AGBL4: variants seen among roughly 807,000 people sequenced by gnomAD.
AGBL4 encodes the protein AGBL carboxypeptidase 4, also known as cytosolic carboxypeptidase 6.
In AGBL4, 58 loss-of-function variants were observed where a neutral mutation model predicts 66.4. The ratio of observed to expected loss-of-function variants is 0.87; its 90% CI spans 0.71 to 1.09. The LOEUF (loss-of-function observed/expected upper bound fraction) is 1.09. Among genes scored for constraint, AGBL4 ranks in the 50% least tolerant of loss-of-function variants. AGBL4 has a pLI of 0.00. For synonymous variants in AGBL4, 234 were observed against 222.9 expected (o/e 1.05, Z -0.44); for missense variants, 579 against 631.0 (o/e 0.92, Z 0.88).
chr1:49,662,102 T>G (rs559860395), intron 3 of AGBL4, among the ~76,000 whole-genome samples: 2 of 151,426 alleles, frequency 1.3e-5, no homozygotes, highest in Non-Finnish European at 2.9e-5. Flanking sequence ...TAAAAATCTA[T>G]AACATGGGTG....
At chr1:48,800,045 A>G (rs578139882) in intron 6 of AGBL4, among the ~76,000 whole-genome samples, 15 of 152,120 alleles carry the variant, frequency 9.9e-5, no homozygotes, top group Admixed American at 4.6e-4. Flanking sequence ...CTCTTTTTGT[A>G]TCTTTTGGAA....
intron 1 of AGBL4, among the ~76,000 whole-genome samples, chr1:49,886,596 T>G (rs1450450682): frequency 6.6e-6 from 1 of 152,136 alleles, no homozygotes; most frequent in Non-Finnish European, 1.5e-5. Context: ...TGATGATGAC[T>G]TGAACACAGT....
At chr1:49,942,231 A>G (rs1654828713) in intron 1 of AGBL4, among the ~76,000 whole-genome samples, 1 of 152,278 alleles carries the variant, frequency 6.6e-6, no homozygotes, top group South Asian at 2.1e-4. Context: ...ATAGACCGGG[A>G]AAATTAATAT....
chr1:49,013,473 A>G (rs1401827178), intron 5 of AGBL4, among the ~76,000 whole-genome samples: 2 of 152,196 alleles, frequency 1.3e-5, no homozygotes, highest in African/African-American at 4.8e-5. Context: ...CTCCTTCAGG[A>G]GCCCTTTATT....
intron 6 of AGBL4, among the ~76,000 whole-genome samples, chr1:48,665,160 T>C (rs940032805): frequency 2.6e-5 from 4 of 152,180 alleles, no homozygotes; most frequent in Non-Finnish European, 5.9e-5. Context: ...AGAAATATCA[T>C]GGAACCAAAA....
At position 48,736,574 on chromosome 1, in the gene AGBL4, T is replaced by A; in HGVS notation, c.635-73333A>T. ...GAGATTCATGTCATAAATATGAAAT[T>A]AACTCTCTTTAAGGGTAATCGTAAT... On this transcript the variant is annotated intron_variant, in intron 6 of 13. Transcript: ENST00000371839. This position sits in a 1 kb window ranked among gnomAD's most constrained non-coding sequence, Gnocchi z 4.0. 1.2e-6 allele frequency: 1 copy of A among 808,130 alleles called. No homozygotes were observed. The highest frequency in any genetic ancestry group is 2.0e-6 in the Non-Finnish European group (1 of 503,986). The allele number at this position is 808,130 out of a possible 1,614,324, so 50.1% of individuals were successfully genotyped here. A position where few individuals can be genotyped will look rare whatever the true frequency, so the allele number is the denominator to read the frequency against.
intron 1 of AGBL4, among the ~76,000 whole-genome samples, chr1:49,874,766 A>G (rs1158549985): frequency 6.6e-6 from 1 of 151,938 alleles, no homozygotes; most frequent in Non-Finnish European, 1.5e-5. Flanking sequence ...GTTCATGTAC[A>G]TCACACTCCA....
intron 6 of AGBL4, among the ~76,000 whole-genome samples, chr1:48,822,997 G>C (rs1432075872): frequency 2.6e-5 from 4 of 152,134 alleles, no homozygotes; most frequent in African/African-American, 9.7e-5. Flanking sequence ...CCCAGCCCAG[G>C]ACCTTTTCAT....
chr1:49,209,825 T>C (rs1033143003), intron 4 of AGBL4, among the ~76,000 whole-genome samples: 5 of 152,040 alleles, frequency 3.3e-5, no homozygotes, highest in Non-Finnish European at 5.9e-5. Context: ...TAACACTAGA[T>C]GGAAAATAGA....
intron 4 of AGBL4, among the ~76,000 whole-genome samples, chr1:49,193,904 T>C (rs1647174127): frequency 6.6e-6 from 1 of 152,206 alleles, no homozygotes; most frequent in Non-Finnish European, 1.5e-5. Context: ...TTTTAAAAAA[T>C]TTACTGATAC....
At chr1:49,481,318 A>C (rs1228885465) in intron 3 of AGBL4, among the ~76,000 whole-genome samples, 2 of 151,960 alleles carry the variant, frequency 1.3e-5, no homozygotes, top group Non-Finnish European at 2.9e-5. Flanking sequence ...GTTGGTTTGT[A>C]GTCTCATTGT....
intron 3 of AGBL4, among the ~76,000 whole-genome samples, chr1:49,249,876 C>T (rs1180782430): frequency 6.6e-6 from 1 of 152,148 alleles, no homozygotes. Context: ...AAAATACATA[C>T]ACAATGAAAT....
intron 6 of AGBL4, among the ~76,000 whole-genome samples, chr1:48,805,286 T>C (rs1425411792): frequency 6.6e-6 from 1 of 152,194 alleles, no homozygotes; most frequent in African/African-American, 2.4e-5. Flanking sequence ...ATGTTTTCCA[T>C]CAAAAGGAAT....
chr1:48,879,333 G>GT (rs1452409202), intron 5 of AGBL4, among the ~76,000 whole-genome samples: 1 of 152,022 alleles, frequency 6.6e-6, no homozygotes, highest in African/African-American at 2.4e-5. Context: ...GTGTTTAGAA[G>GT]TAGCACGCAA....
intron 3 of AGBL4, among the ~76,000 whole-genome samples, chr1:49,331,963 T>C (rs1028006733): frequency 5.9e-5 from 9 of 152,102 alleles, no homozygotes; most frequent in Non-Finnish European, 1.3e-4. Context: ...CCTTTGCTGT[T>C]TGGGCGACTC....
intron 2 of AGBL4, among the ~76,000 whole-genome samples, chr1:49,699,171 TATAAA>T (rs1463367848): frequency 2.6e-5 from 4 of 152,058 alleles, no homozygotes; most frequent in African/African-American, 7.2e-5. Context: ...TGCTTTGTGT[TATAAA>T]AGAAACTAGA....
At position 49,963,763 on chromosome 1, in the gene AGBL4, C is replaced by T. The variant is rs540451405; in HGVS notation, c.34+60000G>A. Among the ~76,000 whole-genome samples, 15 of 152,178 alleles carry T rather than the reference C, an allele frequency of 9.9e-5. No individual in the cohort carries two copies. In the East Asian group the frequency reaches 2.9e-3, roughly 29 times the overall value. On this transcript the variant is annotated intron_variant, in intron 1 of 13. Coordinates refer to ENST00000371839, the MANE Select transcript of AGBL4 (RefSeq NM_032785.4). ...CATGAATATGTGGTACATAACTAAA[C>T]TTGGCAATTTGACTATATATTCCAG...
intron 1 of AGBL4, among the ~76,000 whole-genome samples, chr1:50,008,119 A>T (rs1557656722): frequency 6.6e-6 from 1 of 152,190 alleles, no homozygotes; most frequent in Non-Finnish European, 1.5e-5. Context: ...CTGGACAGAC[A>T]ATCCATACAG....
intron 4 of AGBL4, among the ~76,000 whole-genome samples, chr1:49,121,544 C>G (rs930768187): frequency 1.3e-5 from 2 of 152,152 alleles, no homozygotes; most frequent in African/African-American, 4.8e-5. Flanking sequence ...GGCTGCAGAA[C>G]AGCAAATACT....
Sources: allele counts gnomAD v4.1 joint callset (sites outside exome capture counted in the v4.1 genomes callset), GRCh38; gene constraint gnomAD v4.1.1; non-coding constraint Gnocchi (gnomAD v3.1); transcripts MANE v1.5; gene names NCBI Gene and HGNC (gene_info 2026-07-23, HGNC 2026-07-21).